The following CSMD1 variants were observed in gnomAD, a reference collection of about 807,000 sequenced individuals.
CSMD1 encodes the protein CUB and Sushi multiple domains 1, also known as CUB and sushi domain-containing protein 1.
In CSMD1, 213 loss-of-function variants were observed where a neutral mutation model predicts 417.5. The observed-to-expected ratio is 0.51, with a 90% confidence interval of 0.46 to 0.57. The LOEUF (loss-of-function observed/expected upper bound fraction) is 0.57, where lower values mean the gene tolerates loss of function less well. CSMD1 is among the 20% of genes least tolerant of loss of function. The pLI is 0.00. For missense variants in CSMD1, 6,923 were observed against 4,529.7 expected (o/e 1.53, Z -15.17); for synonymous variants, 2,862 against 1,736.8 (o/e 1.65, Z -16.11).
At chr8:2,952,338 T>G (rs655524) in intron 65 of CSMD1, among the ~76,000 whole-genome samples, 118,265 of 152,078 alleles carry the variant, frequency 0.78, 46,257 homozygotes, top group Non-Finnish European at 0.79. Flanking sequence ...AGTATATTGT[T>G]CCTATACCCA....
At chr8:4,622,261 G>A (rs1801825141) in intron 2 of CSMD1, among the ~76,000 whole-genome samples, 1 of 152,004 alleles carries the variant, frequency 6.6e-6, no homozygotes, top group Non-Finnish European at 1.5e-5. Flanking sequence ...AGGCAAAAGA[G>A]GATACTTGCC....
At chr8:3,554,980 C>A (rs1259208486) in intron 10 of CSMD1, among the ~76,000 whole-genome samples, 1 of 151,990 alleles carries the variant, frequency 6.6e-6, no homozygotes, top group Non-Finnish European at 1.5e-5. Flanking sequence ...GGGCTCTTGT[C>A]AGAAGCAGGA....
At chr8:3,899,991 C>A (rs982871011) in intron 5 of CSMD1, among the ~76,000 whole-genome samples, 17 of 152,256 alleles carry the variant, frequency 1.1e-4, no homozygotes, top group African/African-American at 2.9e-4. Flanking sequence ...GCTGCAGCTA[C>A]AGCTGGTTGA....
chr8:4,486,446 C>T (rs1801422612), intron 2 of CSMD1, among the ~76,000 whole-genome samples: 1 of 150,982 alleles, frequency 6.6e-6, no homozygotes, highest in South Asian at 2.1e-4. Flanking sequence ...TTGTGAACTA[C>T]TATATATTTT....
At chr8:4,538,328 T>C (rs1404130473) in intron 2 of CSMD1, among the ~76,000 whole-genome samples, 2 of 152,122 alleles carry the variant, frequency 1.3e-5, no homozygotes, top group African/African-American at 2.4e-5. Flanking sequence ...AGAGTTCATA[T>C]TTTCTCTTCA....
intron 5 of CSMD1, among the ~76,000 whole-genome samples, chr8:3,934,399 G>A (rs575096920): frequency 6.6e-6 from 1 of 152,234 alleles, no homozygotes; most frequent in East Asian, 1.9e-4. Flanking sequence ...TGTATTCATT[G>A]AAATCAGTAA....
In CSMD1 at chr8:4,446,964, A is replaced by G. The variant is rs543879217; in HGVS notation, c.303-26899T>C. Among the ~76,000 whole-genome samples, 367 of 152,112 alleles carry G rather than the reference A, an allele frequency of 2.4e-3. 3 individuals carry two copies. Among genetic ancestry groups the G allele is most frequent in the Non-Finnish European group, 4.2e-3 (284 of 67,996 alleles). On this transcript the variant is annotated intron_variant, in intron 2 of 69. Transcript: ENST00000635120. ...AAAAAAAAAAAACATTGGCCCTACA[A>G]AAACAGCAGGAGATGACTGGGTGGA...
At chr8:3,269,147 C>T (rs1801653417) in intron 26 of CSMD1, among the ~76,000 whole-genome samples, 1 of 152,214 alleles carries the variant, frequency 6.6e-6, no homozygotes. Context: ...TCAATCAATT[C>T]AACACGCATT....
At chr8:4,096,541 C>A (rs947622742) in intron 3 of CSMD1, among the ~76,000 whole-genome samples, 7 of 151,530 alleles carry the variant, frequency 4.6e-5, no homozygotes, top group African/African-American at 1.5e-4. Flanking sequence ...AATGTTAAAT[C>A]CTTTCTTAAC....
intron 21 of CSMD1, among the ~76,000 whole-genome samples, chr8:3,353,333 G>C (rs2100120): frequency 0.27 from 40,519 of 152,042 alleles, 5,946 homozygotes; most frequent in East Asian, 0.47. Context: ...AAGAATTCTT[G>C]CGGAAGCTTC....
In CSMD1 at chr8:2,966,662, T is replaced by C. The variant is rs765672970; in HGVS notation, c.9008A>G (p.Tyr3003Cys). The change falls in exon 58 of 70, where the codon TAT becomes TGT. Residue 3003 changes from tyrosine to cysteine, a missense_variant. Transcript: ENST00000635120. The stretch of plus-strand genomic sequence containing the variant: ...GGTCTTGTAGCCTTCCCAGCAGGCA[T>C]AGATGACCGAGCTGGAGAACAGAAT... Reference protein sequence around the residue: ...DGILFSSSVIYACWEGYKTSG... With the variant: ...DGILFSSSVICACWEGYKTSG... 5 of 1,613,792 alleles carry C rather than the reference T, an allele frequency of 3.1e-6. No homozygotes were observed. The highest frequency in any genetic ancestry group is 4.2e-6 in the Non-Finnish European group (5 of 1,179,808).
intron 11 of CSMD1, among the ~76,000 whole-genome samples, chr8:3,472,550 C>T (rs1279703668): frequency 6.6e-6 from 1 of 151,964 alleles, no homozygotes; most frequent in African/African-American, 2.4e-5. Context: ...TATGTGTGCA[C>T]AAGAAAGATG....
intron 1 of CSMD1, among the ~76,000 whole-genome samples, chr8:4,782,157 G>C (rs1026216668): frequency 3.3e-5 from 5 of 152,162 alleles, no homozygotes; most frequent in Non-Finnish European, 5.9e-5. Context: ...TGGGTACAAA[G>C]TTACAGTTAG....
At chr8:3,621,284 G>A (rs911821163) in intron 7 of CSMD1, among the ~76,000 whole-genome samples, 4 of 152,146 alleles carry the variant, frequency 2.6e-5, no homozygotes, top group East Asian at 1.9e-4. Context: ...GGCAGGAGGC[G>A]TTGAATAGTA....
At chr8:4,279,852 G>C (rs1466765269) in intron 3 of CSMD1, among the ~76,000 whole-genome samples, 1 of 152,078 alleles carries the variant, frequency 6.6e-6, no homozygotes, top group Non-Finnish European at 1.5e-5. Flanking sequence ...GCAGCTCACT[G>C]TCAGTAAAAA....
At chr8:3,585,139 T>C (rs1359678799) in intron 9 of CSMD1, among the ~76,000 whole-genome samples, 2 of 152,124 alleles carry the variant, frequency 1.3e-5, no homozygotes, top group Non-Finnish European at 2.9e-5. Flanking sequence ...CTAGTGGTTA[T>C]AGGGACCAGG....
chr8:4,902,556 T>C (rs1288046117), intron 1 of CSMD1, among the ~76,000 whole-genome samples: 1 of 152,258 alleles, frequency 6.6e-6, no homozygotes, highest in Non-Finnish European at 1.5e-5. Context: ...TCAAGACATT[T>C]TCTTCTTAGA....
At chr8:3,041,871 G>A (rs1811122529) in intron 50 of CSMD1, among the ~76,000 whole-genome samples, 1 of 152,204 alleles carries the variant, frequency 6.6e-6, no homozygotes, top group South Asian at 2.1e-4. Flanking sequence ...CTTTAAAGCA[G>A]TACAGTACAA....
At chr8:4,191,535 C>T (rs1262261582) in intron 3 of CSMD1, among the ~76,000 whole-genome samples, 1 of 152,142 alleles carries the variant, frequency 6.6e-6, no homozygotes, top group Non-Finnish European at 1.5e-5. Flanking sequence ...AAACATGTGT[C>T]TCATCTGAAC....
Sources: allele counts gnomAD v4.1 joint callset (sites outside exome capture counted in the v4.1 genomes callset), GRCh38; gene constraint gnomAD v4.1.1; transcripts MANE v1.5; gene names NCBI Gene and HGNC (gene_info 2026-07-23, HGNC 2026-07-21).